Variants in OR2L13 observed in about 807,000 individuals in gnomAD.
OR2L13 encodes the protein olfactory receptor 2L13.
A neutral mutation model predicts 15.3 loss-of-function variants in OR2L13; 14 were observed. The ratio of observed to expected loss-of-function variants is 0.91; its 90% CI spans 0.60 to 1.43. OR2L13 has a LOEUF of 1.43. Ranked by LOEUF, OR2L13 falls within the 40% of genes most tolerant of loss-of-function variation. The pLI, the probability that OR2L13 is intolerant of heterozygous loss-of-function variation, is 0.00. For missense variants in OR2L13, 367 were observed against 387.9 expected (o/e 0.95, Z 0.45); for synonymous variants, 152 against 142.9 (o/e 1.06, Z -0.45).
the OR2L13 span, chr1:247,990,238 C>T: frequency 1.3e-6 from 1 of 759,946 alleles, no homozygotes; most frequent in Non-Finnish European, 2.3e-6. Flanking sequence ...CCTTGTGTCT[C>T]CCTTCAGGAA....
chr1:248,069,911 A>G, the OR2L13 span, among the ~76,000 whole-genome samples: 2 of 152,214 alleles, frequency 1.3e-5, no homozygotes, highest in Non-Finnish European at 2.9e-5. Context: ...GATCAATTCA[A>G]CTAGAAGAGC....
chr1:247,965,718 C>T, the OR2L13 span: 29,631 of 1,556,118 alleles, frequency 0.019, 553 homozygotes, highest in East Asian at 0.1. Flanking sequence ...AAGCCCTTCT[C>T]CTTGGTTTTA....
the OR2L13 span, among the ~76,000 whole-genome samples, chr1:248,026,003 A>G: frequency 2.6e-5 from 4 of 152,132 alleles, no homozygotes; most frequent in African/African-American, 9.7e-5. Flanking sequence ...ATGCTAAATG[A>G]GGAGTTAATG....
At chr1:248,090,697 G>T (rs1312079049), upstream of OR2L13, among the ~76,000 whole-genome samples, 1 of 152,190 alleles carries the variant, frequency 6.6e-6, no homozygotes, top group African/African-American at 2.4e-5. Context: ...TGATGGGCAT[G>T]TAGGTTGATT....
the OR2L13 span, among the ~76,000 whole-genome samples, chr1:247,982,157 A>G: frequency 6.6e-6 from 1 of 152,174 alleles, no homozygotes; most frequent in East Asian, 1.9e-4. Context: ...TTTGTAATGA[A>G]TAATAATTTT....
At chr1:248,093,148 G>T (rs1664639317), upstream of OR2L13, among the ~76,000 whole-genome samples, 1 of 152,090 alleles carries the variant, frequency 6.6e-6, no homozygotes. Context: ...TTATTAACAG[G>T]TTTGTTTATT....
chr1:247,958,589 A>G, the OR2L13 span, among the ~76,000 whole-genome samples: 1 of 152,140 alleles, frequency 6.6e-6, no homozygotes, highest in East Asian at 1.9e-4. Context: ...GTCTCTTTGT[A>G]GGTCTCTACG....
chr1:247,973,210 C>T, the OR2L13 span, among the ~76,000 whole-genome samples: 1 of 152,064 alleles, frequency 6.6e-6, no homozygotes, highest in Admixed American at 6.6e-5. Flanking sequence ...CATTTGAAAA[C>T]CATAACAAGA....
upstream of OR2L13, among the ~76,000 whole-genome samples, chr1:248,094,489 C>G (rs761074203): frequency 1.1e-4 from 16 of 152,120 alleles, no homozygotes; most frequent in Non-Finnish European, 2.2e-4. Flanking sequence ...TCAAATTAGT[C>G]CAGTTGTAAA....
At chr1:247,990,226 AC>A in the OR2L13 span, 1 of 715,606 alleles carries the variant, frequency 1.4e-6, no homozygotes, top group South Asian at 1.6e-5. Context: ...TACTTCACTT[AC>A]CCTTGTGTCT....
the OR2L13 span, among the ~76,000 whole-genome samples, chr1:247,964,821 G>T: frequency 1.3e-5 from 2 of 149,416 alleles, no homozygotes; most frequent in Non-Finnish European, 3.0e-5. Flanking sequence ...ACATAAGCAT[G>T]CATGTTATAT....
the OR2L13 span, chr1:248,039,079 A>G: frequency 3.7e-6 from 6 of 1,614,014 alleles, no homozygotes; most frequent in Non-Finnish European, 5.1e-6. Context: ...ACAGAGGACA[A>G]GATTCTGGCT....
upstream of OR2L13, among the ~76,000 whole-genome samples, chr1:248,096,076 T>C (rs1212624165): frequency 6.6e-6 from 1 of 151,912 alleles, no homozygotes; most frequent in Non-Finnish European, 1.5e-5. Context: ...GACAGTTCCA[T>C]AACAAATTGA....
upstream of OR2L13, among the ~76,000 whole-genome samples, chr1:248,092,308 A>G (rs920342475): frequency 1.3e-5 from 2 of 152,186 alleles, no homozygotes; most frequent in African/African-American, 4.8e-5. Flanking sequence ...GACTTCCTAC[A>G]TAATACATAT....
At chr1:247,951,003 C>T in the OR2L13 span, among the ~76,000 whole-genome samples, 26 of 151,986 alleles carry the variant, frequency 1.7e-4, no homozygotes, top group East Asian at 3.9e-4. Flanking sequence ...ACACATTGTA[C>T]GTGTTTTTCA....
At chr1:247,990,674 G>C in the OR2L13 span, 1 of 1,529,928 alleles carries the variant, frequency 6.5e-7, no homozygotes, top group Non-Finnish European at 9.1e-7. Context: ...ATCCGTATGA[G>C]AAAAAGAGTG....
At chr1:247,946,728 C>T in the OR2L13 span, among the ~76,000 whole-genome samples, 6 of 152,134 alleles carry the variant, frequency 3.9e-5, no homozygotes, top group Admixed American at 6.5e-5. Context: ...GCGACCTGCT[C>T]CCTCCTCCAT....
At chr1:247,938,852 A>G in the OR2L13 span, 1 of 152,206 alleles carries the variant, frequency 6.6e-6, no homozygotes, top group Non-Finnish European at 1.5e-5. Context: ...GCCTATCACA[A>G]TCTAAAGACA....
the OR2L13 span, among the ~76,000 whole-genome samples, chr1:248,075,136 C>T: frequency 6.6e-6 from 1 of 152,064 alleles, no homozygotes; most frequent in Admixed American, 6.6e-5. Flanking sequence ...GGTTTTCTGT[C>T]CTTGTGATAG....
Sources: allele counts gnomAD v4.1 joint callset (sites outside exome capture counted in the v4.1 genomes callset), GRCh38; gene constraint gnomAD v4.1.1; transcripts MANE v1.5; gene names NCBI Gene and HGNC (gene_info 2026-07-23, HGNC 2026-07-21).